The following IFT80 variants were observed in gnomAD, a reference collection of about 807,000 sequenced individuals.
The protein encoded by IFT80 is intraflagellar transport 80, also known as intraflagellar transport protein 80 homolog.
In IFT80, 79 loss-of-function variants were observed where a neutral mutation model predicts 107.9. The ratio of observed to expected loss-of-function variants is 0.73; its 90% confidence interval spans 0.61 to 0.88. The LOEUF is 0.88. Ranked by LOEUF, IFT80 falls within the 40% of genes least tolerant of loss-of-function variation. The probability of loss-of-function intolerance (pLI) is 0.00; values close to 1 mark genes in which losing one functional copy is unlikely to be tolerated. For synonymous variants in IFT80, 299 were observed against 300.9 expected, an observed-to-expected ratio of 0.99 and a Z score of 0.07; for missense variants, 797 against 914.2, an observed-to-expected ratio of 0.87 and a Z score of 1.65.
At chr3:160,314,880 G>A (rs1475449840) in intron 9 of IFT80, among the ~76,000 whole-genome samples, 1 of 152,122 alleles carries the variant, frequency 6.6e-6, no homozygotes, top group Non-Finnish European at 1.5e-5. Flanking sequence ...GAAAATGACT[G>A]GAGGCGAGCC....
intron 5 of IFT80, among the ~76,000 whole-genome samples, chr3:160,367,332 A>G (rs1721936884): frequency 6.6e-6 from 1 of 152,086 alleles, no homozygotes; most frequent in Non-Finnish European, 1.5e-5. Flanking sequence ...AACTGACTCA[A>G]TGCATAAAGT....
intron 1 of IFT80, among the ~76,000 whole-genome samples, chr3:160,386,199 C>T (rs940607451): frequency 6.6e-6 from 1 of 152,222 alleles, no homozygotes; most frequent in African/African-American, 2.4e-5. Flanking sequence ...TGGGAAGATT[C>T]TCCCTTACTC....
intron 12 of IFT80, among the ~76,000 whole-genome samples, chr3:160,292,747 G>C (rs1001712926): frequency 2.6e-5 from 4 of 151,870 alleles, no homozygotes; most frequent in Admixed American, 1.3e-4. Context: ...TTGTTTTTTT[G>C]ATGGATCTCA....
Position 160,327,475 on chromosome 3 carries a change from C to G in IFT80, c.778-7536G>C, listed in dbSNP as rs182226401. ...AAACAGCAAGGTACTGGTACAAGAA[C>G]AGACACAAAGACCAATGGAACAGAA... On this transcript the variant is annotated intron_variant, in intron 8 of 19. Coordinates refer to ENST00000326448, the MANE Select transcript of IFT80 (RefSeq NM_020800.3). Among the ~76,000 whole-genome samples, 376 of 152,254 alleles carry G rather than the reference C, an allele frequency of 2.5e-3. 2 individuals are homozygous for G. The highest frequency in any genetic ancestry group is 8.5e-3 in the African/African-American group (355 of 41,532).
chr3:160,333,371 A>T (rs1321318781), intron 8 of IFT80, among the ~76,000 whole-genome samples: 1 of 152,216 alleles, frequency 6.6e-6, no homozygotes, highest in Admixed American at 6.5e-5. Flanking sequence ...TAACAAATTA[A>T]CTTCAGCTGA....
chr3:160,370,367 G>A (rs1722149397), intron 5 of IFT80, among the ~76,000 whole-genome samples: 1 of 148,424 alleles, frequency 6.7e-6, no homozygotes, highest in Admixed American at 6.8e-5. Flanking sequence ...CATAGTAGTA[G>A]CCATTTGATT....
chr3:160,306,320 C>T (rs756105453), intron 10 of IFT80, among the ~76,000 whole-genome samples: 3 of 152,126 alleles, frequency 2.0e-5, no homozygotes, highest in Non-Finnish European at 2.9e-5. Context: ...ACATTATGTC[C>T]TTGCCACTAT....
chr3:160,398,401 G>C (rs1480783124), intron 1 of IFT80, among the ~76,000 whole-genome samples: 1 of 150,484 alleles, frequency 6.6e-6, no homozygotes, highest in African/African-American at 2.4e-5. Flanking sequence ...AAAAGTTAAA[G>C]AAAAAAAAAG....
At chr3:160,351,440 C>A (rs1375688584) in intron 8 of IFT80, among the ~76,000 whole-genome samples, 2 of 148,844 alleles carry the variant, frequency 1.3e-5, no homozygotes, top group Non-Finnish European at 3.0e-5. Context: ...TAGGATAAAT[C>A]CTAAAACTGG....
chr3:160,362,509 A>T (rs918894066), intron 6 of IFT80, among the ~76,000 whole-genome samples: 3 of 152,184 alleles, frequency 2.0e-5, no homozygotes, highest in African/African-American at 7.2e-5. Flanking sequence ...ATCCTTCCTA[A>T]CTCATTTTAT....
At chr3:160,344,257 T>A (rs998310076) in intron 8 of IFT80, among the ~76,000 whole-genome samples, 2 of 152,196 alleles carry the variant, frequency 1.3e-5, no homozygotes, top group Non-Finnish European at 2.9e-5. Flanking sequence ...ATAATTTCTA[T>A]CCTTTTACTG....
rs960216946 is a variant in IFT80, at chr3:160,290,759, C to T, written c.1316-4891G>A. ...TGTATTTTTAGTAAAGTCGGGGTTT[C>T]GCCATGTTGGCCAGGCTGGTCTTGA... On this transcript the variant is annotated intron_variant, in intron 12 of 19. Transcript: ENST00000326448. 7.2e-5 allele frequency among the ~76,000 whole-genome samples: 11 copies of T among 152,070 alleles called. No homozygotes were observed. In the East Asian group the frequency reaches 1.9e-3, roughly 27 times the overall value.
At chr3:160,392,334 T>C (rs978312682) in intron 1 of IFT80, among the ~76,000 whole-genome samples, 1 of 152,242 alleles carries the variant, frequency 6.6e-6, no homozygotes, top group African/African-American at 2.4e-5. Flanking sequence ...ATATTCACCA[T>C]ATAGTGACAA....
chr3:160,287,821 C>T (rs544584496), intron 12 of IFT80, among the ~76,000 whole-genome samples: 57 of 152,080 alleles, frequency 3.7e-4, no homozygotes, highest in Non-Finnish European at 7.5e-4. Context: ...TAAATTATGG[C>T]CTCTAGTCTC....
intron 12 of IFT80, chr3:160,299,202 T>A (rs1177351346): frequency 9.0e-7 from 1 of 1,113,048 alleles, no homozygotes; most frequent in Non-Finnish European, 1.1e-6. Flanking sequence ...TATTCCATTC[T>A]GTTTTCCTCT....
At chr3:160,336,263 T>C (rs1370479210) in intron 8 of IFT80, among the ~76,000 whole-genome samples, 2 of 152,224 alleles carry the variant, frequency 1.3e-5, no homozygotes, top group East Asian at 3.8e-4. Context: ...GGGTCTCCTG[T>C]GAGCACCAGG....
chr3:160,392,050 T>C lies in IFT80; in HGVS notation c.-47+7096A>G, dbSNP rs901683220. On this transcript the variant is annotated intron_variant, in intron 1 of 19. Coordinates refer to ENST00000326448, the MANE Select transcript of IFT80 (RefSeq NM_020800.3). ...GAACTGCTCTCTTAGGCAGCATTGA[T>C]ACAGACTTTCATAAGGGAAAAAGGG... Among the ~76,000 whole-genome samples the C allele has an allele frequency of 2.6e-5, 4 of 152,232 alleles. No homozygotes were observed. In the South Asian group the frequency reaches 6.2e-4, roughly 24 times the overall value.
chr3:160,379,910 A>G (rs1712329312), intron 3 of IFT80, among the ~76,000 whole-genome samples: 2 of 152,134 alleles, frequency 1.3e-5, no homozygotes, highest in Non-Finnish European at 2.9e-5. Flanking sequence ...GTAATCTGAT[A>G]CTACTGTTTG....
intron 1 of IFT80, among the ~76,000 whole-genome samples, 170 bp downstream of exon 1, chr3:160,398,976 G>T (rs570110368): frequency 7.9e-5 from 12 of 152,016 alleles, no homozygotes; most frequent in South Asian, 2.1e-4. Flanking sequence ...TAAAATTTAG[G>T]GCTTCCTCCT....
Sources: gnomAD v4.1 joint callset for allele counts (sites outside exome capture counted in the v4.1 genomes callset) on GRCh38, gnomAD v4.1.1 for gene constraint, MANE v1.5 for transcripts, NCBI Gene and HGNC (gene_info 2026-07-23, HGNC 2026-07-21) for gene names.